PPP1R1C: variants seen among roughly 807,000 people sequenced by gnomAD.
PPP1R1C encodes the protein protein phosphatase 1 regulatory subunit 1C.
PPP1R1C carries 15 observed loss-of-function variants against 17.4 expected under a neutral mutation model. That is an observed-to-expected ratio of 0.86 (90% CI 0.58 to 1.33). The LOEUF (loss-of-function observed/expected upper bound fraction) is 1.33. Among genes scored for constraint, PPP1R1C ranks in the 40% most tolerant of loss-of-function variants. The pLI is 0.00. For synonymous variants in PPP1R1C, 35 were observed against 43.1 expected (o/e 0.81, Z 0.73); for missense variants, 143 against 130.0 (o/e 1.10, Z -0.48).
intron 2 of PPP1R1C, among the ~76,000 whole-genome samples, chr2:182,027,996 C>T (rs1432696191): frequency 2.4e-5 from 3 of 126,136 alleles, no homozygotes; most frequent in Admixed American, 8.4e-5. Context: ...AGTTTATTTG[C>T]GTAGAGGTGT....
chr2:181,972,463 T>C (rs1271925415), intron 1 of PPP1R1C, among the ~76,000 whole-genome samples: 1 of 152,018 alleles, frequency 6.6e-6, no homozygotes, highest in Non-Finnish European at 1.5e-5. Flanking sequence ...ATCCATTATA[T>C]AAATTATTCG....
chr2:182,068,848 G>C (rs554344355), intron 4 of PPP1R1C, among the ~76,000 whole-genome samples: 1 of 152,114 alleles, frequency 6.6e-6, no homozygotes, highest in Non-Finnish European at 1.5e-5. Flanking sequence ...TGCAGCCTAC[G>C]CTTAGGCAAC....
intron 2 of PPP1R1C, among the ~76,000 whole-genome samples, chr2:182,008,537 T>C (rs1377749319): frequency 6.6e-6 from 1 of 152,152 alleles, no homozygotes; most frequent in Admixed American, 6.6e-5. Context: ...GAAATTTTAT[T>C]TTTATGGGCA....
chr2:182,075,889 T>C (rs2125208417), intron 4 of PPP1R1C, among the ~76,000 whole-genome samples: 1 of 152,278 alleles, frequency 6.6e-6, no homozygotes, highest in South Asian at 2.1e-4. Flanking sequence ...TGAAAAAATA[T>C]ATTTTATGTA....
chr2:182,012,419 G>C (rs1356632654), intron 2 of PPP1R1C, among the ~76,000 whole-genome samples: 2 of 151,850 alleles, frequency 1.3e-5, no homozygotes, highest in Non-Finnish European at 2.9e-5. Context: ...TATAAGTACA[G>C]CATATATTGT....
intron 4 of PPP1R1C, among the ~76,000 whole-genome samples, chr2:182,116,015 G>T (rs1328963454): frequency 1.3e-5 from 2 of 152,056 alleles, no homozygotes; most frequent in African/African-American, 4.8e-5. Flanking sequence ...CAGCTACTCT[G>T]ATATCTTAAC....
intron 2 of PPP1R1C, among the ~76,000 whole-genome samples, chr2:182,032,677 A>G (rs977928526): frequency 1.3e-5 from 2 of 152,162 alleles, no homozygotes; most frequent in African/African-American, 4.8e-5. Flanking sequence ...TAGTTCCACT[A>G]CTTACAAGCT....
chr2:182,126,571 C>T (rs573330815), intron 5 of PPP1R1C, among the ~76,000 whole-genome samples: 45 of 152,010 alleles, frequency 3.0e-4, no homozygotes, highest in African/African-American at 9.9e-4. Flanking sequence ...AAACATCTCA[C>T]GTAATATGTG....
At chr2:182,109,620 T>C (rs1689358865) in intron 4 of PPP1R1C, among the ~76,000 whole-genome samples, 1 of 152,196 alleles carries the variant, frequency 6.6e-6, no homozygotes, top group African/African-American at 2.4e-5. Flanking sequence ...CTCCATTGTA[T>C]TCCCTTTTCT....
chr2:181,988,003 G>A, intron 2 of PPP1R1C, 104 bp downstream of exon 2: 1 of 843,362 alleles, frequency 1.2e-6, no homozygotes, highest in East Asian at 2.7e-5. Flanking sequence ...GGATTTCACA[G>A]TTAGCAATAC....
chr2:182,093,372 C>G (rs532284275), intron 4 of PPP1R1C, among the ~76,000 whole-genome samples: 1 of 152,260 alleles, frequency 6.6e-6, no homozygotes, highest in East Asian at 1.9e-4. Context: ...GAAAAAGGCT[C>G]CAGGCCTGTG....
intron 2 of PPP1R1C, among the ~76,000 whole-genome samples, chr2:182,043,581 T>A (rs1056818085): frequency 1.3e-5 from 2 of 152,206 alleles, no homozygotes; most frequent in African/African-American, 4.8e-5. Context: ...AGTTTACACA[T>A]GTGCCACTCA....
rs1249428735 is a variant in PPP1R1C at position 182,032,703 on chromosome 2, G to C, written c.143-28739G>C. ...CTTACAAGCTGTGTGAGCTGCCCTGGATTATACAATGCCAGAGGTTCAATT... is the reference window on the plus strand; with the variant it reads ...CTTACAAGCTGTGTGAGCTGCCCTGCATTATACAATGCCAGAGGTTCAATT... On this transcript the variant is annotated intron_variant, in intron 2 of 4. Coordinates refer to ENST00000682840, the MANE Select transcript of PPP1R1C (RefSeq NM_001080545.3). Among the ~76,000 whole-genome samples, 3 of 152,114 alleles carry C rather than the reference G, an allele frequency of 2.0e-5. No homozygotes were observed. The East Asian group carries it at 5.8e-4, about 29-fold the overall frequency.
intron 4 of PPP1R1C, among the ~76,000 whole-genome samples, chr2:182,087,279 G>T (rs772271934): frequency 6.6e-6 from 1 of 152,178 alleles, no homozygotes; most frequent in Non-Finnish European, 1.5e-5. Flanking sequence ...AGGAGCTGTA[G>T]CCTGTGACCT....
At chr2:181,977,425 A>G (rs1685113911) in intron 2 of PPP1R1C, among the ~76,000 whole-genome samples, 1 of 151,686 alleles carries the variant, frequency 6.6e-6, no homozygotes, top group South Asian at 2.1e-4. Context: ...TTCCCCCTTA[A>G]CATTTGGGTT....
intron 2 of PPP1R1C, among the ~76,000 whole-genome samples, chr2:182,049,630 G>C (rs573796896): frequency 7.9e-5 from 12 of 152,016 alleles, no homozygotes; most frequent in African/African-American, 2.9e-4. Context: ...AAACATGCAG[G>C]GGTTTACCTT....
chr2:182,037,805 T>C (rs567018506), intron 2 of PPP1R1C, among the ~76,000 whole-genome samples: 1 of 152,234 alleles, frequency 6.6e-6, no homozygotes, highest in Non-Finnish European at 1.5e-5. Context: ...ACCTAAAATG[T>C]CATTTCCTAG....
chr2:182,131,084 C>T (rs1689996741), downstream of PPP1R1C: 1 of 152,152 alleles, frequency 6.6e-6, no homozygotes, highest in African/African-American at 2.4e-5. Context: ...ACACCCACAA[C>T]TATATCTGTA....
intron 5 of PPP1R1C, among the ~76,000 whole-genome samples, chr2:182,122,944 T>C (rs1053379689): frequency 6.6e-6 from 1 of 152,136 alleles, no homozygotes; most frequent in Non-Finnish European, 1.5e-5. Context: ...CCATGGTGGT[T>C]TGCTGCACCC....
Sources: gnomAD v4.1 joint callset for allele counts (sites outside exome capture counted in the v4.1 genomes callset) on GRCh38, gnomAD v4.1.1 for gene constraint, MANE v1.5 for transcripts, NCBI Gene and HGNC (gene_info 2026-07-23, HGNC 2026-07-21) for gene names.